Variants in TMEM117 observed in about 807,000 individuals in gnomAD.
TMEM117 encodes transmembrane protein 117.
Under a neutral mutation model 52.4 loss-of-function variants are expected in TMEM117, and 27 were observed. The observed-to-expected ratio is 0.51, with a 90% confidence interval of 0.38 to 0.71. The LOEUF (loss-of-function observed/expected upper bound fraction) is 0.71, where lower values mean the gene tolerates loss of function less well. TMEM117 is among the 30% of genes least tolerant of loss of function. The pLI is 0.00. For missense variants in TMEM117, 556 were observed against 630.5 expected (o/e 0.88, Z 1.26); for synonymous variants, 215 against 206.3 (o/e 1.04, Z -0.36).
chr12:44,009,813 T>C, intron 3 of TMEM117: 2 of 276,458 alleles, frequency 7.2e-6, no homozygotes, highest in Non-Finnish European at 1.5e-5. Context: ...TGGATGATGC[T>C]TCTGCACCCA....
At chr12:44,213,221 G>A (rs552264053) in intron 5 of TMEM117, among the ~76,000 whole-genome samples, 1 of 152,190 alleles carries the variant, frequency 6.6e-6, no homozygotes, top group Admixed American at 6.5e-5. Flanking sequence ...CATAAGATAG[G>A]TGCTATTGTT....
chr12:44,341,583 G>A (rs1296870398), intron 6 of TMEM117, among the ~76,000 whole-genome samples: 3 of 152,076 alleles, frequency 2.0e-5, no homozygotes, highest in Admixed American at 2.0e-4. Flanking sequence ...GGGAATGTAG[G>A]GTTGGTGTTA....
chr12:44,318,986 A>G (rs1951095681), intron 6 of TMEM117, among the ~76,000 whole-genome samples: 1 of 152,194 alleles, frequency 6.6e-6, no homozygotes, highest in Non-Finnish European at 1.5e-5. Flanking sequence ...CCTGGCTACA[A>G]GTCTCATTGC....
intron 6 of TMEM117, among the ~76,000 whole-genome samples, chr12:44,361,793 A>G (rs959105839): frequency 2.6e-5 from 4 of 152,118 alleles, no homozygotes; most frequent in African/African-American, 9.7e-5. Context: ...CATACACAAA[A>G]AAAAATTGTG....
chr12:43,987,591 C>G (rs2137739435), intron 3 of TMEM117, among the ~76,000 whole-genome samples: 1 of 150,972 alleles, frequency 6.6e-6, no homozygotes, highest in African/African-American at 2.4e-5. Context: ...TGCCCTGAGT[C>G]AGTTGAAAAC....
intron 5 of TMEM117, among the ~76,000 whole-genome samples, chr12:44,293,034 A>G (rs780647624): frequency 1.3e-5 from 2 of 151,554 alleles, no homozygotes; most frequent in Non-Finnish European, 3.0e-5. Context: ...GAAGTCCCCT[A>G]TTATTATTGT....
intron 3 of TMEM117, among the ~76,000 whole-genome samples, chr12:44,072,039 G>A (rs956492940): frequency 1.3e-5 from 2 of 152,078 alleles, no homozygotes; most frequent in African/African-American, 4.8e-5. Context: ...AGGCATTCAG[G>A]AGGCTTCCAG....
chr12:44,034,860 A>G (rs1444139282), intron 3 of TMEM117, among the ~76,000 whole-genome samples: 4 of 152,164 alleles, frequency 2.6e-5, no homozygotes, highest in Non-Finnish European at 5.9e-5. Context: ...GAATCAGTGG[A>G]CTCAGTAAAG....
intron 5 of TMEM117, among the ~76,000 whole-genome samples, chr12:44,285,004 C>T (rs972802154): frequency 1.3e-5 from 2 of 152,196 alleles, no homozygotes; most frequent in African/African-American, 4.8e-5. Flanking sequence ...TCAATCATCA[C>T]TTTTTATATG....
intron 3 of TMEM117, among the ~76,000 whole-genome samples, chr12:43,958,395 T>C (rs1290183476): frequency 1.3e-5 from 2 of 152,210 alleles, no homozygotes; most frequent in East Asian, 1.9e-4. Context: ...CCATTTTTCT[T>C]GATACAAAGC....
At chr12:43,949,381 T>C (rs1379432752) in intron 3 of TMEM117, among the ~76,000 whole-genome samples, 3 of 152,224 alleles carry the variant, frequency 2.0e-5, no homozygotes, top group Non-Finnish European at 4.4e-5. Context: ...GTGGACTGTT[T>C]GCATGCTCAG....
intron 2 of TMEM117, among the ~76,000 whole-genome samples, chr12:43,942,290 GAATA>G (rs1281410441): frequency 6.6e-6 from 1 of 152,150 alleles, no homozygotes; most frequent in Admixed American, 6.5e-5. Flanking sequence ...TTCAATGAAT[GAATA>G]AATATTCTTT....
chr12:43,813,815 T>C, the TMEM117 span, among the ~76,000 whole-genome samples: 1 of 152,126 alleles, frequency 6.6e-6, no homozygotes, highest in South Asian at 2.1e-4. Flanking sequence ...TGCAATTCAC[T>C]TTAGCCTCAA....
At chr12:44,236,401 C>T (rs1474995339) in intron 5 of TMEM117, among the ~76,000 whole-genome samples, 2 of 152,016 alleles carry the variant, frequency 1.3e-5, no homozygotes, top group South Asian at 2.1e-4. Context: ...TTCTCTTAAA[C>T]CTGTTCTTAA....
At chr12:44,099,739 G>A (rs566601707) in intron 3 of TMEM117, among the ~76,000 whole-genome samples, 5 of 152,072 alleles carry the variant, frequency 3.3e-5, no homozygotes, top group African/African-American at 1.2e-4. Flanking sequence ...TTACCAATGA[G>A]GAGGAGCATG....
At position 44,242,976 on chromosome 12, in the gene TMEM117, G is replaced by A. The variant is rs189009175; in HGVS notation, c.608+31589G>A. 8.3e-3 allele frequency among the ~76,000 whole-genome samples: 1,266 copies of A among 151,864 alleles called. 8 individuals are homozygous for A. Among genetic ancestry groups the A allele is most frequent in the Non-Finnish European group, 0.014 (971 of 67,860 alleles). On this transcript the variant is annotated intron_variant, in intron 5 of 7. Coordinates refer to ENST00000266534, the MANE Select transcript of TMEM117 (RefSeq NM_032256.3). ...TCTGACTTGTGTGGTATCTCACTGT[G>A]GTTTTGATGTGCATTTCTCTAATGA...
intron 5 of TMEM117, among the ~76,000 whole-genome samples, chr12:44,283,924 C>G (rs1425406534): frequency 6.6e-6 from 1 of 152,112 alleles, no homozygotes; most frequent in Non-Finnish European, 1.5e-5. Context: ...CTGTGCTACT[C>G]TTAGGATAGG....
At chr12:44,285,900 A>AGGG (rs1310709380) in intron 5 of TMEM117, among the ~76,000 whole-genome samples, 1 of 152,058 alleles carries the variant, frequency 6.6e-6, no homozygotes, top group Non-Finnish European at 1.5e-5. Flanking sequence ...TTGCCTGTTT[A>AGGG]TTTTTTTCTC....
intron 2 of TMEM117, among the ~76,000 whole-genome samples, chr12:43,897,313 T>TG (rs1944222430): frequency 1.5e-3 from 1 of 654 alleles, no homozygotes; most frequent in Admixed American, 0.025. Flanking sequence ...GTAACCATTC[T>TG]TTTTTTTTTT....
Sources: allele counts gnomAD v4.1 joint callset (sites outside exome capture counted in the v4.1 genomes callset), GRCh38; gene constraint gnomAD v4.1.1; transcripts MANE v1.5; gene names NCBI Gene and HGNC (gene_info 2026-07-23, HGNC 2026-07-21).